TSPAN18: variants seen among roughly 807,000 people sequenced by gnomAD.
TSPAN18 encodes tetraspanin-18.
TSPAN18 carries 14 observed loss-of-function variants against 27.3 expected under a neutral mutation model. That is an observed-to-expected ratio of 0.51 (90% CI 0.34 to 0.80). The LOEUF is 0.80. TSPAN18 is among the 30% of genes least tolerant of loss of function. The probability of loss-of-function intolerance (pLI) is 0.01; values close to 1 mark genes in which losing one functional copy is unlikely to be tolerated. For missense variants in TSPAN18, 268 were observed against 323.9 expected, an observed-to-expected ratio of 0.83 and a Z score of 1.32; for synonymous variants, 143 against 136.5, an observed-to-expected ratio of 1.05 and a Z score of -0.33.
At chr11:44,791,495 G>A (rs955635598) in intron 2 of TSPAN18, among the ~76,000 whole-genome samples, 1 of 152,212 alleles carries the variant, frequency 6.6e-6, no homozygotes, top group Non-Finnish European at 1.5e-5. Context: ...ATTCCGGAGC[G>A]AGTGGGGCAT....
intron 2 of TSPAN18, among the ~76,000 whole-genome samples, chr11:44,816,671 G>A (rs927186871): frequency 6.6e-6 from 1 of 152,234 alleles, no homozygotes; most frequent in African/African-American, 2.4e-5. Flanking sequence ...CTGACTGGTA[G>A]CTTCTCCCAT....
intron 3 of TSPAN18, among the ~76,000 whole-genome samples, chr11:44,872,903 T>C (rs1403021383): frequency 5.9e-5 from 9 of 152,136 alleles, no homozygotes; most frequent in Admixed American, 6.5e-5. Context: ...AGGAGATAGA[T>C]CCATGACCAG....
chr11:44,884,278 G>A (rs1300993087), intron 3 of TSPAN18, among the ~76,000 whole-genome samples: 1 of 152,184 alleles, frequency 6.6e-6, no homozygotes, highest in Non-Finnish European at 1.5e-5. Flanking sequence ...ACGGGGCCAA[G>A]GTCCACAGCA....
rs998927369 is a variant in TSPAN18 at position 44,931,098 on chromosome 11, A to G, written c.*1920A>G. ...TGTGCCCGCCAGTCCTTGCCCTCCC[A>G]CCAGGTCTCTGAGCTCAGTGTTACC... is the stretch of plus-strand genomic sequence containing the variant. On this transcript the variant is annotated 3_prime_UTR_variant, in exon 10 of 10. Transcript: ENST00000520358. The G allele has an allele frequency of 2.6e-5, 10 of 385,308 alleles. No homozygotes were observed. Among genetic ancestry groups the G allele is most frequent in the Non-Finnish European group, 5.2e-5 (10 of 192,188 alleles). The allele number at this position is 385,308 out of a possible 1,614,324, so 23.9% of individuals were successfully genotyped here. A position where few individuals can be genotyped will look rare whatever the true frequency, so the allele number is the denominator to read the frequency against.
intron 2 of TSPAN18, among the ~76,000 whole-genome samples, chr11:44,813,945 C>T (rs1856771203): frequency 6.6e-6 from 1 of 152,176 alleles, no homozygotes. Context: ...TGCAGAGATC[C>T]TGGGAATGGG....
chr11:44,885,099 C>T (rs1390092379), intron 3 of TSPAN18, among the ~76,000 whole-genome samples: 3 of 152,140 alleles, frequency 2.0e-5, no homozygotes, highest in East Asian at 3.9e-4. Context: ...TACAATATGG[C>T]GCCAAATCCT....
At chr11:44,903,767 A>G (rs780038946) in intron 3 of TSPAN18, 30 of 455,714 alleles carry the variant, frequency 6.6e-5, no homozygotes, top group Non-Finnish European at 1.2e-4. Flanking sequence ...CCCCCACCCC[A>G]TCACACACAC....
At chr11:44,891,810 A>G (rs1245601144) in intron 3 of TSPAN18, among the ~76,000 whole-genome samples, 1 of 152,120 alleles carries the variant, frequency 6.6e-6, no homozygotes, top group Non-Finnish European at 1.5e-5. Flanking sequence ...TCTAGGGGTC[A>G]CTCCTTCCAT....
chr11:44,926,603 CCACA>C, intron 8 of TSPAN18, 67 bp from the exon 9 acceptor site: 1 of 1,397,918 alleles, frequency 7.2e-7, no homozygotes, highest in Non-Finnish European at 1.0e-6. Context: ...GAACCCTAGT[CCACA>C]TGCTGGACTC....
chr11:44,749,743 TCTC>T (rs1855167423), intron 1 of TSPAN18, among the ~76,000 whole-genome samples: 1 of 150,010 alleles, frequency 6.7e-6, no homozygotes, highest in African/African-American at 2.5e-5. Flanking sequence ...TTCACACCAT[TCTC>T]CTGCCTCAGC....
chr11:44,898,448 T>C (rs1167035571), intron 3 of TSPAN18, among the ~76,000 whole-genome samples: 1 of 152,270 alleles, frequency 6.6e-6, no homozygotes, highest in Admixed American at 6.5e-5. Context: ...CAAACAGTAG[T>C]GTCAGAAGTT....
At chr11:44,902,032 G>A (rs532089154) in intron 3 of TSPAN18, among the ~76,000 whole-genome samples, 9 of 152,302 alleles carry the variant, frequency 5.9e-5, no homozygotes, top group African/African-American at 2.2e-4. Context: ...GAAGATGCAC[G>A]GAGCTGAAGT....
At chr11:44,811,515 A>G (rs964052036) in intron 2 of TSPAN18, among the ~76,000 whole-genome samples, 1 of 151,062 alleles carries the variant, frequency 6.6e-6, no homozygotes, top group Non-Finnish European at 1.5e-5. Context: ...GCTGGAGTGC[A>G]ATGGCACAAT....
chr11:44,909,555 C>A (rs534053190), intron 4 of TSPAN18, 150 bp from the exon 5 acceptor site: 29 of 721,154 alleles, frequency 4.0e-5, no homozygotes, highest in Non-Finnish European at 6.3e-5. Context: ...CTGGGACTCA[C>A]TGGCTCTCGC....
intron 2 of TSPAN18, among the ~76,000 whole-genome samples, chr11:44,804,420 G>T (rs1308040050): frequency 6.6e-6 from 1 of 152,226 alleles, no homozygotes; most frequent in African/African-American, 2.4e-5. Flanking sequence ...ACAGGCAGAG[G>T]CCACATCAGT....
chr11:44,884,075 C>T (rs1245925370), intron 3 of TSPAN18, among the ~76,000 whole-genome samples: 1 of 152,154 alleles, frequency 6.6e-6, no homozygotes, highest in African/African-American at 2.4e-5. Flanking sequence ...CTCATCTGTG[C>T]CAGGGGCCCA....
intron 1 of TSPAN18, among the ~76,000 whole-genome samples, chr11:44,731,633 T>TGAGAGAGAGAGAGAGAGAGA (rs1554976096): frequency 1.9e-5 from 2 of 107,382 alleles, no homozygotes; most frequent in African/African-American, 7.1e-5. Flanking sequence ...TGTGTGTGTG[T>TGAGAGAGAGAGAGAGAGAGA]GAGAGAGAGA....
At chr11:44,928,364 C>T (rs1457532806) in intron 9 of TSPAN18, among the ~76,000 whole-genome samples, 9 of 152,206 alleles carry the variant, frequency 5.9e-5, no homozygotes, top group Admixed American at 2.0e-4. Context: ...TTCCTGTGAG[C>T]TGGAGGCGAG....
intron 1 of TSPAN18, among the ~76,000 whole-genome samples, chr11:44,761,254 G>A (rs560956893): frequency 5.2e-4 from 79 of 152,258 alleles, no homozygotes; most frequent in African/African-American, 1.8e-3. Context: ...GACCCCTGTC[G>A]CCTGCCCACC....
Sources: gnomAD v4.1 joint callset for allele counts (sites outside exome capture counted in the v4.1 genomes callset) on GRCh38, gnomAD v4.1.1 for gene constraint, MANE v1.5 for transcripts, NCBI Gene and HGNC (gene_info 2026-07-23, HGNC 2026-07-21) for gene names.